GPHN: variants seen among roughly 807,000 people sequenced by gnomAD.
The protein encoded by GPHN is gephyrin.
In GPHN, 17 loss-of-function variants were observed where a neutral mutation model predicts 95.5. The ratio of observed to expected loss-of-function variants is 0.18; its 90% confidence interval spans 0.12 to 0.27. GPHN has a LOEUF of 0.27. Ranked by LOEUF, GPHN falls within the 10% of genes least tolerant of loss-of-function variation. GPHN has a pLI of 1.00. For missense variants in GPHN, 660 were observed against 978.1 expected (o/e 0.67, Z 4.34); for synonymous variants, 320 against 322.5 (o/e 0.99, Z 0.08).
At chr14:67,031,764 C>G (rs2074207461) in intron 10 of GPHN, among the ~76,000 whole-genome samples, 2 of 152,040 alleles carry the variant, frequency 1.3e-5, no homozygotes, top group Non-Finnish European at 2.9e-5. Context: ...CCTATATTCC[C>G]AAAGTACTAT....
rs909840372 is a variant in GPHN, at chr14:66,772,673, A to G, written c.144-3791A>G. 2.0e-5 allele frequency among the ~76,000 whole-genome samples: 3 copies of G among 152,200 alleles called. No homozygotes were observed. In the East Asian group the frequency reaches 5.8e-4, roughly 29 times the overall value. Reference sequence around the variant, plus strand: ...CCTGAATAGAGTATTCCCCATCCTAATGACCAATTTCATATTCTTCTTTAA... The same window carrying G: ...CCTGAATAGAGTATTCCCCATCCTAGTGACCAATTTCATATTCTTCTTTAA... On this transcript the variant is annotated intron_variant, in intron 2 of 22. Transcript: ENST00000478722.
At position 66,924,943 on chromosome 14, in the gene GPHN, GA is replaced by G. The variant is rs556408140; in HGVS notation, c.828+660del. On this transcript the variant is annotated intron_variant, in intron 8 of 22. Coordinates refer to ENST00000478722, the MANE Select transcript of GPHN (RefSeq NM_020806.5). Reference sequence around the variant, plus strand: ...AACAGTGATAATTTAGACATTGGATGAAAAAAAAACGATCTAAGTCCCTAAT... The same window carrying G: ...AACAGTGATAATTTAGACATTGGATGAAAAAAAACGATCTAAGTCCCTAAT... 2.8e-4 allele frequency among the ~76,000 whole-genome samples: 41 copies of G among 148,292 alleles called. No homozygotes were observed. The South Asian group carries it at 3.7e-3, about 13-fold the overall frequency.
the GPHN span, chr14:67,392,342 C>G: frequency 6.2e-7 from 1 of 1,609,666 alleles, no homozygotes; most frequent in Non-Finnish European, 8.5e-7. Context: ...GGCCAGGTAG[C>G]CTTGTTTCAC....
the GPHN span, chr14:67,205,038 C>A: frequency 1.3e-6 from 2 of 1,552,142 alleles, no homozygotes; most frequent in South Asian, 2.4e-5. Context: ...GCTCGGGAGT[C>A]ACAGTGGTGT....
chr14:67,542,562 G>T, the GPHN span, among the ~76,000 whole-genome samples: 2,411 of 152,236 alleles, frequency 0.016, 35 homozygotes, highest in Admixed American at 0.032. Context: ...CATATGTAAA[G>T]GTCCTGACAT....
intron 2 of GPHN, among the ~76,000 whole-genome samples, chr14:66,690,223 A>G (rs993942254): frequency 3.3e-5 from 5 of 151,622 alleles, no homozygotes; most frequent in Admixed American, 3.3e-4. Context: ...ATTTTTTGGT[A>G]TGTTGTGTTT....
chr14:67,411,136 C>CAA, the GPHN span, among the ~76,000 whole-genome samples: 164 of 51,574 alleles, frequency 3.2e-3, 1 homozygote, highest in African/African-American at 7.5e-3. Context: ...GACCCTGTCT[C>CAA]AAAAAAAAAA....
At chr14:67,255,878 G>T in the GPHN span, among the ~76,000 whole-genome samples, 2 of 152,264 alleles carry the variant, frequency 1.3e-5, no homozygotes, top group Middle Eastern at 3.4e-3. Context: ...GTAGAGACGG[G>T]GTTTCACCAT....
intron 2 of GPHN, among the ~76,000 whole-genome samples, chr14:66,731,371 G>C (rs140003871): frequency 3.5e-3 from 531 of 152,288 alleles, no homozygotes; most frequent in African/African-American, 0.012. Context: ...CCGGAGACTT[G>C]CTGAATGGTT....
At chr14:67,656,291 G>A in the GPHN span, 1 of 859,762 alleles carries the variant, frequency 1.2e-6, no homozygotes, top group Admixed American at 3.1e-5. Flanking sequence ...AAAAGCATAA[G>A]AACTTAAAAA....
chr14:66,940,182 T>G (rs2067338828), intron 8 of GPHN, among the ~76,000 whole-genome samples: 1 of 150,082 alleles, frequency 6.7e-6, no homozygotes, highest in Non-Finnish European at 1.5e-5. Context: ...TCCCATAGTA[T>G]GGAGACACAG....
intron 2 of GPHN, among the ~76,000 whole-genome samples, chr14:66,726,762 C>T (rs2071278929): frequency 6.6e-6 from 1 of 152,136 alleles, no homozygotes; most frequent in South Asian, 2.1e-4. Flanking sequence ...CTGAAATTCT[C>T]TAAAATCTGA....
chr14:67,729,487 C>A, the GPHN span: 1 of 1,159,310 alleles, frequency 8.6e-7, no homozygotes, highest in Non-Finnish European at 1.3e-6. Context: ...ATGATGCAAT[C>A]CAGGTTTGGG....
the GPHN span, chr14:67,570,039 G>C: frequency 4.1e-6 from 6 of 1,446,794 alleles, no homozygotes; most frequent in Admixed American, 1.1e-4. Flanking sequence ...CAAAGAGGGG[G>C]TGTCTCATCA....
intron 5 of GPHN, among the ~76,000 whole-genome samples, chr14:66,890,430 A>C (rs1019126563): frequency 2.7e-5 from 4 of 149,342 alleles, no homozygotes; most frequent in African/African-American, 1.0e-4. Context: ...AAAAAAAAAA[A>C]ACCTTTCTAT....
chr14:67,610,534 C>T, the GPHN span, among the ~76,000 whole-genome samples: 24 of 152,214 alleles, frequency 1.6e-4, no homozygotes, highest in African/African-American at 5.5e-4. Flanking sequence ...GCTTACTGCC[C>T]CAAAGTCATG....
the GPHN span, among the ~76,000 whole-genome samples, chr14:67,555,251 C>T: frequency 2.0e-5 from 3 of 152,180 alleles, no homozygotes; most frequent in Non-Finnish European, 4.4e-5. Flanking sequence ...GTATCTTGAG[C>T]CTCTCTTTCT....
chr14:67,658,393 G>A, the GPHN span, among the ~76,000 whole-genome samples: 10 of 151,998 alleles, frequency 6.6e-5, no homozygotes, highest in Admixed American at 1.3e-4. Context: ...AGGAGATGGA[G>A]ATCATCCTGG....
At chr14:67,684,784 G>T in the GPHN span, 1 of 357,832 alleles carries the variant, frequency 2.8e-6, no homozygotes, top group Non-Finnish European at 5.0e-6. Flanking sequence ...ACAAAGACAG[G>T]AAGAAAACAA....
Sources: gnomAD v4.1 joint callset for allele counts (sites outside exome capture counted in the v4.1 genomes callset) on GRCh38, gnomAD v4.1.1 for gene constraint, MANE v1.5 for transcripts, NCBI Gene and HGNC (gene_info 2026-07-23, HGNC 2026-07-21) for gene names.